SLC2A13: variants seen among roughly 807,000 people sequenced by gnomAD.
SLC2A13 encodes solute carrier family 2 member 13, also known as proton myo-inositol cotransporter.
Under a neutral mutation model 64.4 loss-of-function variants are expected in SLC2A13, and 32 were observed. That is an observed-to-expected ratio of 0.50 (90% CI 0.37 to 0.67). SLC2A13 has a LOEUF of 0.67. Ranked by LOEUF, SLC2A13 falls within the 30% of genes least tolerant of loss-of-function variation. The pLI is 0.00. For synonymous variants in SLC2A13, 338 were observed against 327.1 expected, an observed-to-expected ratio of 1.03 and a Z score of -0.36; for missense variants, 743 against 829.2, an observed-to-expected ratio of 0.90 and a Z score of 1.28.
At chr12:40,031,449 C>A (rs924906920) in intron 2 of SLC2A13, among the ~76,000 whole-genome samples, 2 of 152,168 alleles carry the variant, frequency 1.3e-5, no homozygotes, top group Non-Finnish European at 2.9e-5. Flanking sequence ...TCTCAAACTC[C>A]TGATCTTGTG....
At chr12:39,985,589 T>C (rs1947016739) in intron 3 of SLC2A13, among the ~76,000 whole-genome samples, 1 of 152,146 alleles carries the variant, frequency 6.6e-6, no homozygotes, top group Non-Finnish European at 1.5e-5. Context: ...GGAGAGGTTG[T>C]AGACAAGAAG....
chr12:40,094,897 A>G (rs1266383651), intron 1 of SLC2A13, among the ~76,000 whole-genome samples: 1 of 152,354 alleles, frequency 6.6e-6, no homozygotes, highest in East Asian at 1.9e-4. Context: ...GAGAGGCCTT[A>G]GCCAGTTCAT....
At chr12:39,774,718 G>T (rs530871083) in intron 7 of SLC2A13, among the ~76,000 whole-genome samples, 2 of 151,652 alleles carry the variant, frequency 1.3e-5, no homozygotes, top group Admixed American at 1.3e-4. Flanking sequence ...TTAAATCATA[G>T]ATATGGGTAA....
At chr12:39,812,156 G>T (rs1391956429) in intron 7 of SLC2A13, among the ~76,000 whole-genome samples, 2 of 151,986 alleles carry the variant, frequency 1.3e-5, no homozygotes, top group Non-Finnish European at 2.9e-5. Flanking sequence ...TCTGGTGAGG[G>T]TCTGCTCCCT....
At chr12:39,881,314 A>T (rs2135958721) in intron 4 of SLC2A13, among the ~76,000 whole-genome samples, 1 of 151,994 alleles carries the variant, frequency 6.6e-6, no homozygotes, top group Admixed American at 6.5e-5. Context: ...TGACAATATG[A>T]GTGTGGTTTA....
At chr12:39,896,382 A>T (rs981342578) in intron 4 of SLC2A13, among the ~76,000 whole-genome samples, 35 of 128,838 alleles carry the variant, frequency 2.7e-4, no homozygotes, top group African/African-American at 9.2e-4. Context: ...ACATATATGT[A>T]TGTATATGTG....
At chr12:39,814,461 A>C (rs1199799888) in intron 7 of SLC2A13, among the ~76,000 whole-genome samples, 1 of 152,216 alleles carries the variant, frequency 6.6e-6, no homozygotes, top group Admixed American at 6.5e-5. Flanking sequence ...ACACTGGCTC[A>C]CTAAAATCAA....
At chr12:40,103,752 A>G (rs1939215882) in intron 1 of SLC2A13, among the ~76,000 whole-genome samples, 1 of 152,246 alleles carries the variant, frequency 6.6e-6, no homozygotes, top group South Asian at 2.1e-4. Flanking sequence ...TGTCCCAAGC[A>G]GACAATGCTG....
chr12:39,942,174 C>T (rs893989378), intron 4 of SLC2A13, among the ~76,000 whole-genome samples: 3 of 152,008 alleles, frequency 2.0e-5, no homozygotes, highest in African/African-American at 4.8e-5. Flanking sequence ...TTTGCTTAGT[C>T]TTGCTTTGGC....
At chr12:40,020,534 C>G (rs1403681251) in intron 3 of SLC2A13, among the ~76,000 whole-genome samples, 2 of 152,154 alleles carry the variant, frequency 1.3e-5, no homozygotes, top group Non-Finnish European at 1.5e-5. Flanking sequence ...TATAAATTAC[C>G]CAGTCTTGAG....
intron 4 of SLC2A13, among the ~76,000 whole-genome samples, chr12:39,883,654 T>C (rs1426182971): frequency 2.0e-5 from 3 of 152,256 alleles, no homozygotes; most frequent in Non-Finnish European, 4.4e-5. Flanking sequence ...GACTGTTTTA[T>C]TTTAAGCTGT....
rs191074970 is a variant in SLC2A13 at position 40,094,929 on chromosome 12, G to A, written c.556+10324C>T. On this transcript the variant is annotated intron_variant, in intron 1 of 9. Coordinates refer to ENST00000280871, the MANE Select transcript of SLC2A13 (RefSeq NM_052885.4). ...TCATCTATAGAAACAGGAAGAAGAC[G>A]CATCTGTGCAAGGCCCAGGCAGGAA... is the stretch of plus-strand genomic sequence containing the variant. Among the ~76,000 whole-genome samples, 315 of 152,258 alleles carry A rather than the reference G, an allele frequency of 2.1e-3. 2 individuals are homozygous for A. The highest frequency in any genetic ancestry group is 7.5e-4 in the Non-Finnish European group (51 of 68,026).
chr12:39,947,683 C>T (rs1349254561), intron 4 of SLC2A13, among the ~76,000 whole-genome samples: 6 of 120,036 alleles, frequency 5.0e-5, no homozygotes, highest in African/African-American at 6.6e-5. Context: ...TTTTTTGAGA[C>T]GGAGTGTCGC....
At chr12:39,983,161 T>A (rs1373334461) in intron 3 of SLC2A13, among the ~76,000 whole-genome samples, 2 of 151,884 alleles carry the variant, frequency 1.3e-5, no homozygotes, top group Non-Finnish European at 2.9e-5. Flanking sequence ...TCCTTACACC[T>A]TATACAAAAC....
At chr12:39,903,350 A>C (rs1400849035) in intron 4 of SLC2A13, among the ~76,000 whole-genome samples, 1 of 152,174 alleles carries the variant, frequency 6.6e-6, no homozygotes, top group Non-Finnish European at 1.5e-5. Context: ...AAAGGTGTAC[A>C]AACATTGAAG....
intron 7 of SLC2A13, among the ~76,000 whole-genome samples, chr12:39,822,009 G>A (rs965129484): frequency 3.3e-5 from 5 of 151,560 alleles, no homozygotes; most frequent in Non-Finnish European, 5.9e-5. Context: ...ATGCTGGTGC[G>A]CTGCACACAC....
At chr12:39,940,302 T>C (rs1343248114) in intron 4 of SLC2A13, among the ~76,000 whole-genome samples, 1 of 152,008 alleles carries the variant, frequency 6.6e-6, no homozygotes, top group East Asian at 1.9e-4. Context: ...CCTGAAAGTG[T>C]ACAAACCCTT....
At position 40,105,494 on chromosome 12, in the gene SLC2A13, G is replaced by A; in HGVS notation, c.315C>T (p.Ala105=). The part of the protein sequence containing the change: ...FGYDTGVVSG[A]MLLLKRQLSL... Reference sequence around the variant, plus strand: ...TGAGCTGCCGCTTGAGCAGCAGCATGGCCCCTGACACCACCCCGGTGTCAT... The same window carrying A: ...TGAGCTGCCGCTTGAGCAGCAGCATAGCCCCTGACACCACCCCGGTGTCAT... Residue 105 remains alanine, a synonymous_variant, in exon 1 of 10, where the codon GCC becomes GCT. Coordinates refer to ENST00000280871, the MANE Select transcript of SLC2A13 (RefSeq NM_052885.4). This position sits in a 1 kb window ranked among gnomAD's most constrained non-coding sequence, Gnocchi z 4.2. The A allele has an allele frequency of 4.4e-6, 7 of 1,576,468 alleles. No individual in the cohort carries two copies. Among genetic ancestry groups the A allele is most frequent in the South Asian group, 1.2e-5 (1 of 86,432 alleles).
chr12:40,091,090 T>G (rs1938750793), intron 1 of SLC2A13, among the ~76,000 whole-genome samples: 1 of 152,218 alleles, frequency 6.6e-6, no homozygotes, highest in Non-Finnish European at 1.5e-5. Context: ...AGCATGTTAT[T>G]GTACTAAATA....
Sources: allele counts gnomAD v4.1 joint callset (sites outside exome capture counted in the v4.1 genomes callset), GRCh38; gene constraint gnomAD v4.1.1; non-coding constraint Gnocchi (gnomAD v3.1); transcripts MANE v1.5; gene names NCBI Gene and HGNC (gene_info 2026-07-23, HGNC 2026-07-21).